The following DENND4C variants were observed in gnomAD, a reference collection of about 807,000 sequenced individuals.
DENND4C encodes DENN domain-containing protein 4C.
In DENND4C, 108 loss-of-function variants were observed where a neutral mutation model predicts 203.0. The observed-to-expected ratio is 0.53, with a 90% CI of 0.46 to 0.62. The LOEUF is 0.62. Ranked by LOEUF, DENND4C falls within the 20% of genes least tolerant of loss-of-function variation. DENND4C has a pLI of 0.00. For synonymous variants in DENND4C, 871 were observed against 792.4 expected, an observed-to-expected ratio of 1.10 and a Z score of -1.67; for missense variants, 2,481 against 2,301.2, an observed-to-expected ratio of 1.08 and a Z score of -1.60.
intron 23 of DENND4C, 42 bp from the exon 24 acceptor site, chr9:19,350,660 G>A (rs1823887385): frequency 3.2e-6 from 5 of 1,546,736 alleles, no homozygotes; most frequent in Middle Eastern, 1.8e-4. Context: ...CACTGGAGAA[G>A]GTATTATTTA....
chr9:19,299,396 T>A (rs1588872263), intron 8 of DENND4C, 109 bp downstream of exon 8: 1 of 737,226 alleles, frequency 1.4e-6, no homozygotes, highest in Non-Finnish European at 2.0e-6. Flanking sequence ...TATTTTACAA[T>A]TAACTTTATT....
chr9:19,372,157 G>A lies in DENND4C; in HGVS notation c.5861G>A (p.Gly1954Glu), dbSNP rs1162950914. ...ASVEWCRKCF[G>E]APLI ...GTCGAGTGGTGCAGGAAGTGTTTTG[G>A]AGCGCCTCTCATTTAAATAGAGATT... The change falls in exon 33 of 33, where the codon GGA (glycine) becomes GAA (glutamate). Residue 1954 changes from glycine to glutamate, a missense_variant. Around this residue, in one of 3 missense-constraint regions of DENND4C, gnomAD observed 2,289 missense variants for 2,113.3 expected, o/e 1.08. Coordinates refer to ENST00000434457, the MANE Select transcript of DENND4C (RefSeq NM_001330640.2). 3 of 1,611,990 alleles carry A rather than the reference G, an allele frequency of 1.9e-6. No homozygotes were observed. The Admixed American group carries it at 5.0e-5, about 27-fold the overall frequency.
At chr9:19,294,283 A>G (rs1836964843) in intron 5 of DENND4C, among the ~76,000 whole-genome samples, 1 of 152,078 alleles carries the variant, frequency 6.6e-6, no homozygotes, top group South Asian at 2.1e-4. Flanking sequence ...AATTGGATCT[A>G]GTATAGGAAA....
At chr9:19,237,281 A>T (rs1046175003) in intron 1 of DENND4C, among the ~76,000 whole-genome samples, 2 of 151,436 alleles carry the variant, frequency 1.3e-5, no homozygotes, top group Non-Finnish European at 2.9e-5. Context: ...GGCCTTCCAG[A>T]GTGCTGGGAT....
intron 26 of DENND4C, among the ~76,000 whole-genome samples, chr9:19,355,188 G>A (rs1354552870): frequency 6.6e-6 from 1 of 152,116 alleles, no homozygotes; most frequent in Non-Finnish European, 1.5e-5. Context: ...GGGATTACAG[G>A]CGTCAGCCAC....
intron 12 of DENND4C, among the ~76,000 whole-genome samples, chr9:19,317,877 C>T (rs114716628): frequency 1.3e-3 from 193 of 152,112 alleles, no homozygotes; most frequent in African/African-American, 4.4e-3. Context: ...TGGAAGACTT[C>T]GTGGAAGAAG....
chr9:19,371,666 A>G, intron 31 of DENND4C, 90 bp from the exon 32 acceptor site: 1 of 679,674 alleles, frequency 1.5e-6, no homozygotes, highest in African/African-American at 1.8e-5. Context: ...TAACTAGATG[A>G]CAGAACTTAA....
chr9:19,299,231 G>C lies in DENND4C; in HGVS notation c.1110G>C (p.Leu370=). The change falls in exon 8 of 33, where the codon CTG becomes CTC. Residue 370 remains leucine, a splice_region_variant and synonymous_variant. Coordinates refer to ENST00000434457, the MANE Select transcript of DENND4C (RefSeq NM_001330640.2). ...SPQRPRILVQ[L]SVHDALILSQ... is the part of the protein sequence containing the mutation. ...TTTATCTTTTTTTTTTTTTTAAGCT[G>C]TCAGTCCATGATGCATTAATATTAT... The C allele has an allele frequency of 6.6e-7, 1 of 1,517,760 alleles. No homozygotes were observed. Among genetic ancestry groups the C allele is most frequent in the Non-Finnish European group, 8.8e-7 (1 of 1,131,656 alleles). 94.0% of individuals were successfully genotyped at this position (1,517,760 alleles called of 1,614,324 possible). A position where few individuals can be genotyped will look rare whatever the true frequency, so the allele number is the denominator to read the frequency against.
chr9:19,357,920 G>T, intron 27 of DENND4C, 45 bp from the exon 28 acceptor site: 1 of 1,461,536 alleles, frequency 6.8e-7, no homozygotes, highest in South Asian at 1.3e-5. Context: ...GATTTAGACT[G>T]TTTTTCAACA....
At chr9:19,247,382 C>G (rs1459785134) in intron 1 of DENND4C, among the ~76,000 whole-genome samples, 1 of 152,176 alleles carries the variant, frequency 6.6e-6, no homozygotes, top group East Asian at 1.9e-4. Context: ...TCATTGAACT[C>G]CACACTATAA....
intron 1 of DENND4C, among the ~76,000 whole-genome samples, chr9:19,267,979 G>C (rs894464662): frequency 2.0e-5 from 3 of 151,862 alleles, no homozygotes; most frequent in Admixed American, 6.6e-5. Context: ...TTTGTTATTT[G>C]TTTTCTGGTC....
Position 19,270,061 on chromosome 9 carries a change from C to A in DENND4C, c.-17-6097C>A, listed in dbSNP as rs560045103. On this transcript the variant is annotated intron_variant, in intron 1 of 32. Coordinates refer to ENST00000434457, the MANE Select transcript of DENND4C (RefSeq NM_001330640.2). ...GTGGTCTTGGGTAATAGCCAGTATT[C>A]CCTGGATTACCAGGCACAGTCTCTT... Among the ~76,000 whole-genome samples the A allele has an allele frequency of 4.6e-5, 7 of 152,168 alleles. No homozygotes were observed. The South Asian group carries it at 1.5e-3, about 32-fold the overall frequency.
chr9:19,312,904 T>A (rs1378788853), intron 10 of DENND4C, among the ~76,000 whole-genome samples: 2 of 152,212 alleles, frequency 1.3e-5, no homozygotes, highest in Non-Finnish European at 2.9e-5. Context: ...TTCCCATCCC[T>A]TTAATTTCAG....
At chr9:19,313,587 C>T (rs190246967) in intron 10 of DENND4C, among the ~76,000 whole-genome samples, 130 of 152,320 alleles carry the variant, frequency 8.5e-4, no homozygotes, top group Middle Eastern at 3.4e-3. Flanking sequence ...CAGAGTTAAA[C>T]TTGACATGCC....
At chr9:19,370,088 T>C (rs1260681497) in intron 31 of DENND4C, 101 bp downstream of exon 31, 3 of 1,351,898 alleles carry the variant, frequency 2.2e-6, no homozygotes, top group Non-Finnish European at 3.1e-6. Flanking sequence ...AAGAAACACA[T>C]ACTCATTGCA....
intron 1 of DENND4C, among the ~76,000 whole-genome samples, chr9:19,254,130 A>G (rs540473073): frequency 7.9e-5 from 12 of 152,312 alleles, no homozygotes; most frequent in East Asian, 3.9e-4. Flanking sequence ...CTTGTACCCT[A>G]TTGGTGGGAA....
chr9:19,301,896 C>T (rs955865719), intron 9 of DENND4C, among the ~76,000 whole-genome samples: 6 of 152,154 alleles, frequency 3.9e-5, no homozygotes, highest in African/African-American at 1.4e-4. Flanking sequence ...GAGATTGCGC[C>T]ACTGCACTCC....
rs371345593 is a variant in DENND4C at position 19,360,233 on chromosome 9, T to C, written c.5161-11T>C. On this transcript the variant is annotated splice_polypyrimidine_tract_variant and intron_variant, in intron 28 of 32. Coordinates refer to ENST00000434457, the MANE Select transcript of DENND4C (RefSeq NM_001330640.2). ...CAGATAATATTAATTTCTTTTTGTA[T>C]TTTTTTTAAGGATCCTTTAGGAAAA... The C allele has an allele frequency of 4.9e-5, 78 of 1,602,778 alleles. No individual in the cohort carries two copies. The highest frequency in any genetic ancestry group is 3.1e-5 in the Non-Finnish European group (36 of 1,173,708).
chr9:19,369,813 AACTT>A lies in DENND4C; in HGVS notation c.5525-20_5525-17del, dbSNP rs1337057612. 16 of 1,407,304 alleles carry A rather than the reference AACTT, an allele frequency of 1.1e-5. No individual in the cohort carries two copies. Among genetic ancestry groups the A allele is most frequent in the Admixed American group, 2.7e-5 (1 of 36,372 alleles). The allele number at this position is 1,407,304 out of a possible 1,614,324, so 87.2% of individuals were successfully genotyped here. A position where few individuals can be genotyped will look rare whatever the true frequency, so the allele number is the denominator to read the frequency against. On this transcript the variant is annotated intron_variant, in intron 30 of 32. Transcript: ENST00000434457. ...ATAATAATAGTAATAATTGAAAAAA[AACTT>A]ACTGTGTTCTTATTGTTAGATTCTG...
Sources: allele counts gnomAD v4.1 joint callset (sites outside exome capture counted in the v4.1 genomes callset), GRCh38; gene constraint gnomAD v4.1.1; regional missense constraint gnomAD v4.1.1; transcripts MANE v1.5; gene names NCBI Gene and HGNC (gene_info 2026-07-23, HGNC 2026-07-21).